CNOT10: variants seen among roughly 807,000 people sequenced by gnomAD.
The protein encoded by CNOT10 is CCR4-NOT transcription complex subunit 10, also known as CCR4-NOT transcription complex, subunit 10.
Under a neutral mutation model 94.6 loss-of-function variants are expected in CNOT10, and 30 were observed. That is an observed-to-expected ratio of 0.32 (90% CI 0.24 to 0.43). CNOT10 has a LOEUF of 0.43. Among genes scored for constraint, CNOT10 ranks in the 20% least tolerant of loss-of-function variants. The probability of loss-of-function intolerance (pLI) is 1.00; values close to 1 mark genes in which losing one functional copy is unlikely to be tolerated. For synonymous variants in CNOT10, 289 were observed against 301.6 expected, an observed-to-expected ratio of 0.96 and a Z score of 0.43; for missense variants, 759 against 877.2, an observed-to-expected ratio of 0.87 and a Z score of 1.70.
chr3:32,752,438 A>G (rs545983923), intron 13 of CNOT10, among the ~76,000 whole-genome samples: 2 of 152,182 alleles, frequency 1.3e-5, no homozygotes, highest in African/African-American at 4.8e-5. Flanking sequence ...GATCCCGTCC[A>G]TGTGTAAAAT....
chr3:32,727,589 T>C, intron 9 of CNOT10, 79 bp from the exon 10 acceptor site: 1 of 917,120 alleles, frequency 1.1e-6, no homozygotes, highest in African/African-American at 1.7e-5. Flanking sequence ...AGTGTCTAAG[T>C]ACTTAATGGA....
chr3:32,771,469 C>T (rs1000314781), intron 18 of CNOT10, among the ~76,000 whole-genome samples: 4 of 151,988 alleles, frequency 2.6e-5, no homozygotes, highest in Non-Finnish European at 4.4e-5. Flanking sequence ...GGCGTGGTGG[C>T]GCATGCCTGT....
chr3:32,760,826 G>T (rs559517589), intron 14 of CNOT10, among the ~76,000 whole-genome samples: 1 of 145,682 alleles, frequency 6.9e-6, no homozygotes, highest in East Asian at 2.0e-4. Flanking sequence ...TAGTGTTTTT[G>T]TTTTTTTTTT....
At chr3:32,745,177 C>T (rs556191301) in intron 13 of CNOT10, among the ~76,000 whole-genome samples, 1 of 152,174 alleles carries the variant, frequency 6.6e-6, no homozygotes, top group Admixed American at 6.5e-5. Context: ...CTGCATCCAG[C>T]CTTCTCTCAT....
At chr3:32,768,342 GA>G (rs111245471) in intron 17 of CNOT10, among the ~76,000 whole-genome samples, 6,283 of 152,228 alleles carry the variant, frequency 0.041, 231 homozygotes, top group African/African-American at 0.088. Flanking sequence ...AGCACTTTGG[GA>G]GGCCAAGGCG....
intron 13 of CNOT10, among the ~76,000 whole-genome samples, chr3:32,756,038 G>A (rs2125624401): frequency 6.6e-6 from 1 of 152,250 alleles, no homozygotes; most frequent in East Asian, 1.9e-4. Flanking sequence ...GTGATTCTCT[G>A]GGGGCTCAGT....
In CNOT10 at chr3:32,704,796, G is replaced by GT. The variant is rs370142940; in HGVS notation, c.118-3dup. 0.13 allele frequency: 118,065 copies of GT among 880,274 alleles called. 231 individuals are homozygous for GT. Among genetic ancestry groups the GT allele is most frequent in the Middle Eastern group, 0.15 (611 of 4,044 alleles). The allele number at this position is 880,274 out of a possible 1,614,324, so 54.5% of individuals were successfully genotyped here. A position where few individuals can be genotyped will look rare whatever the true frequency, so the allele number is the denominator to read the frequency against. On this transcript the variant is annotated splice_polypyrimidine_tract_variant and intron_variant, in intron 2 of 18. Transcript: ENST00000328834. ...ATGTAATTTTGTGTGTGTGTGTGTG[G>GT]TTTTTTTTTTTTAGTCTGGAAATTA...
intron 1 of CNOT10, among the ~76,000 whole-genome samples, chr3:32,702,551 T>C (rs957501856): frequency 3.3e-5 from 5 of 152,228 alleles, no homozygotes; most frequent in Admixed American, 3.3e-4. Flanking sequence ...TTTGGATTTC[T>C]GAGCCTATGA....
intron 13 of CNOT10, among the ~76,000 whole-genome samples, chr3:32,740,294 A>T (rs1699403361): frequency 6.6e-6 from 1 of 151,576 alleles, no homozygotes; most frequent in African/African-American, 2.4e-5. Context: ...CCCCATCTCT[A>T]CTAAAAATAC....
chr3:32,754,108 A>G (rs928805872), intron 13 of CNOT10, among the ~76,000 whole-genome samples: 30 of 151,688 alleles, frequency 2.0e-4, no homozygotes, highest in African/African-American at 6.8e-4. Context: ...GTCTCAAAAA[A>G]AAGTTGAAGG....
At chr3:32,742,542 C>T (rs944374723) in intron 13 of CNOT10, among the ~76,000 whole-genome samples, 2 of 152,048 alleles carry the variant, frequency 1.3e-5, no homozygotes. Context: ...CCACCACACC[C>T]GGCTAATTTT....
intron 18 of CNOT10, among the ~76,000 whole-genome samples, chr3:32,770,972 T>TA (rs933694255): frequency 2.0e-5 from 3 of 151,996 alleles, no homozygotes; most frequent in African/African-American, 7.2e-5. Flanking sequence ...CTCGGCCTCT[T>TA]AAAGTGCTGG....
At chr3:32,718,992 T>C (rs551281437) in intron 7 of CNOT10, among the ~76,000 whole-genome samples, 5 of 152,306 alleles carry the variant, frequency 3.3e-5, no homozygotes, top group Admixed American at 6.5e-5. Context: ...GGCTCACGCC[T>C]GTAATCCCCA....
In CNOT10 at chr3:32,704,798, T is replaced by C; in HGVS notation, c.118-13T>C. ...GTAATTTTGTGTGTGTGTGTGTGGT[T>C]TTTTTTTTTTAGTCTGGAAATTATG... On this transcript the variant is annotated splice_polypyrimidine_tract_variant and intron_variant, in intron 2 of 18. Coordinates refer to ENST00000328834, the MANE Select transcript of CNOT10 (RefSeq NM_015442.3). 6.7e-7 allele frequency: 1 copy of C among 1,485,866 alleles called. No homozygotes were observed. Among genetic ancestry groups the C allele is most frequent in the Non-Finnish European group, 9.0e-7 (1 of 1,106,708 alleles). The allele number at this position is 1,485,866 out of a possible 1,614,324, so 92.0% of individuals were successfully genotyped here.
intron 1 of CNOT10, among the ~76,000 whole-genome samples, chr3:32,693,772 GCTCAAGCCATC>G (rs1696944973): frequency 6.6e-6 from 1 of 151,924 alleles, no homozygotes. Flanking sequence ...GAACTCTTGA[GCTCAAGCCATC>G]CTCCCACCTT....
chr3:32,717,323 A>T (rs1698167448), intron 7 of CNOT10, 86 bp downstream of exon 7: 8 of 776,758 alleles, frequency 1.0e-5, no homozygotes, highest in Admixed American at 7.9e-5. Flanking sequence ...AATTTATCTT[A>T]GTCTTTTACA....
intron 13 of CNOT10, among the ~76,000 whole-genome samples, chr3:32,749,154 C>G (rs1169538543): frequency 6.8e-6 from 1 of 148,086 alleles, no homozygotes; most frequent in African/African-American, 2.5e-5. Flanking sequence ...ATACAACTAT[C>G]AGATATATGA....
chr3:32,690,979 C>G (rs1026550642), intron 1 of CNOT10, among the ~76,000 whole-genome samples: 2 of 147,862 alleles, frequency 1.4e-5, no homozygotes, highest in South Asian at 2.1e-4. Context: ...TATTTGCTTC[C>G]TCTATCACTA....
At chr3:32,706,867 T>C (rs749186200) in intron 3 of CNOT10, among the ~76,000 whole-genome samples, 6 of 152,358 alleles carry the variant, frequency 3.9e-5, no homozygotes, top group South Asian at 4.1e-4. Flanking sequence ...CCCAAACTCA[T>C]TGAGATGCAC....
Sources: gnomAD v4.1 joint callset for allele counts (sites outside exome capture counted in the v4.1 genomes callset) on GRCh38, gnomAD v4.1.1 for gene constraint, MANE v1.5 for transcripts, NCBI Gene and HGNC (gene_info 2026-07-23, HGNC 2026-07-21) for gene names.